SLC35D4: variants seen among roughly 807,000 people sequenced by gnomAD.
The protein encoded by SLC35D4 is solute carrier family 35 member D4, also known as UDP-N-acetylglucosamine transporter SLC35D4.
At chr18:23,277,528 T>C in the SLC35D4 span, among the ~76,000 whole-genome samples, 1 of 152,180 alleles carries the variant, frequency 6.6e-6, no homozygotes, top group African/African-American at 2.4e-5. Flanking sequence ...TGGGAGGACT[T>C]AGCTCTGCTC....
chr18:23,293,000 G>A, the SLC35D4 span, among the ~76,000 whole-genome samples: 2 of 152,196 alleles, frequency 1.3e-5, no homozygotes, highest in African/African-American at 4.8e-5. Flanking sequence ...AGCACTTTGG[G>A]AGGCCGAGGT....
At chr18:23,349,330 T>C in the SLC35D4 span, among the ~76,000 whole-genome samples, 2 of 152,220 alleles carry the variant, frequency 1.3e-5, no homozygotes, top group Non-Finnish European at 2.9e-5. Context: ...ATTTCTTCAA[T>C]TTAAAAAAAA....
the SLC35D4 span, among the ~76,000 whole-genome samples, chr18:23,311,187 G>A: frequency 4.7e-5 from 7 of 149,570 alleles, no homozygotes; most frequent in African/African-American, 1.7e-4. Context: ...CTGTAGCCTC[G>A]ACCTCCCAGG....
the SLC35D4 span, among the ~76,000 whole-genome samples, chr18:23,282,125 T>TC: frequency 6.6e-6 from 1 of 152,204 alleles, no homozygotes; most frequent in African/African-American, 2.4e-5. Flanking sequence ...CCTCCGCGGC[T>TC]CCCCGAGGCT....
At chr18:23,388,733 T>C in the SLC35D4 span, among the ~76,000 whole-genome samples, 4 of 152,188 alleles carry the variant, frequency 2.6e-5, no homozygotes, top group Non-Finnish European at 5.9e-5. Flanking sequence ...GGGAGATGAT[T>C]AAATCATGGG....
chr18:23,392,958 C>T, the SLC35D4 span, among the ~76,000 whole-genome samples: 27 of 152,270 alleles, frequency 1.8e-4, no homozygotes, highest in African/African-American at 6.0e-4. Flanking sequence ...CTCTGTCTTC[C>T]AGGCTGCAGT....
the SLC35D4 span, among the ~76,000 whole-genome samples, chr18:23,330,819 A>G: frequency 1.3e-5 from 2 of 152,186 alleles, no homozygotes; most frequent in African/African-American, 4.8e-5. Context: ...AAAATGCAAC[A>G]GCAGCAAAGC....
the SLC35D4 span, among the ~76,000 whole-genome samples, chr18:23,329,836 G>A: frequency 6.6e-6 from 1 of 152,188 alleles, no homozygotes; most frequent in Non-Finnish European, 1.5e-5. Flanking sequence ...ACTGGATTAA[G>A]AAACTGTGGC....
chr18:23,433,924 T>C, the SLC35D4 span, among the ~76,000 whole-genome samples: 4,040 of 152,114 alleles, frequency 0.027, 60 homozygotes, highest in Middle Eastern at 0.061. Flanking sequence ...AATTACATGC[T>C]CTCTGCCACA....
At chr18:23,255,376 C>T in the SLC35D4 span, among the ~76,000 whole-genome samples, 1 of 152,098 alleles carries the variant, frequency 6.6e-6, no homozygotes, top group African/African-American at 2.4e-5. Context: ...GCAGAAAGGG[C>T]ACTAAGGTAG....
the SLC35D4 span, chr18:23,399,741 A>T: frequency 8.7e-7 from 1 of 1,147,400 alleles, no homozygotes; most frequent in Non-Finnish European, 1.3e-6. Context: ...CATCAACTAC[A>T]ACAACAGAGG....
chr18:23,321,346 T>C, the SLC35D4 span, among the ~76,000 whole-genome samples: 2 of 152,216 alleles, frequency 1.3e-5, no homozygotes, highest in African/African-American at 4.8e-5. Flanking sequence ...TCCCTTTTTT[T>C]ATACGTGCAA....
the SLC35D4 span, chr18:23,370,101 C>G: frequency 1.2e-6 from 1 of 821,096 alleles, no homozygotes; most frequent in Non-Finnish European, 1.8e-6. Flanking sequence ...ATCGCTTGAA[C>G]CCGGGGGGTG....
the SLC35D4 span, among the ~76,000 whole-genome samples, chr18:23,323,612 C>T: frequency 6.6e-6 from 1 of 152,188 alleles, no homozygotes; most frequent in East Asian, 1.9e-4. Context: ...CCATGAAGAC[C>T]TTCCAGCTCT....
the SLC35D4 span, among the ~76,000 whole-genome samples, chr18:23,255,478 A>C: frequency 2.6e-5 from 4 of 152,236 alleles, no homozygotes; most frequent in Admixed American, 1.3e-4. Flanking sequence ...CAGTAAATAC[A>C]TGAACCCAGA....
chr18:23,280,353 C>G, the SLC35D4 span, among the ~76,000 whole-genome samples: 3 of 152,370 alleles, frequency 2.0e-5, no homozygotes, highest in Non-Finnish European at 4.4e-5. Context: ...TGGCTGGGTA[C>G]TGAGGCTGAG....
the SLC35D4 span, among the ~76,000 whole-genome samples, chr18:23,409,858 AAAAAAAG>A: frequency 2.1e-5 from 2 of 93,556 alleles, no homozygotes; most frequent in African/African-American, 8.3e-5. Flanking sequence ...AAAAAAAAAA[AAAAAAAG>A]AGGATGGTTG....
chr18:23,387,783 G>T, the SLC35D4 span, among the ~76,000 whole-genome samples: 14 of 151,590 alleles, frequency 9.2e-5, no homozygotes, highest in South Asian at 2.7e-3. Context: ...AACTCAAATT[G>T]TTTTTTTCTT....
At chr18:23,371,438 A>C in the SLC35D4 span, 5 of 1,595,982 alleles carry the variant, frequency 3.1e-6, no homozygotes, top group African/African-American at 5.4e-5. Context: ...AGAGTAAGTG[A>C]ATTATAGCCC....
Sources: allele counts gnomAD v4.1 joint callset (sites outside exome capture counted in the v4.1 genomes callset), GRCh38; gene constraint gnomAD v4.1.1; transcripts MANE v1.5; gene names NCBI Gene and HGNC (gene_info 2026-07-23, HGNC 2026-07-21).